The following CCDC191 variants were observed in gnomAD, a reference collection of about 807,000 sequenced individuals.
CCDC191 encodes coiled-coil domain containing 191.
In CCDC191, 99 loss-of-function variants were observed where a neutral mutation model predicts 114.0. The observed-to-expected ratio is 0.87, with a 90% CI of 0.74 to 1.03. CCDC191 has a LOEUF of 1.03. CCDC191 is among the 50% of genes least tolerant of loss of function. The probability of loss-of-function intolerance (pLI) is 0.00; values close to 1 mark genes in which losing one functional copy is unlikely to be tolerated. For synonymous variants in CCDC191, 351 were observed against 376.0 expected (o/e 0.93, Z 0.77); for missense variants, 973 against 1,087.0 (o/e 0.90, Z 1.47).
chr3:113,969,453 GT>G (rs1208738354), intron 16 of CCDC191, among the ~76,000 whole-genome samples: 2 of 152,118 alleles, frequency 1.3e-5, no homozygotes, highest in Non-Finnish European at 2.9e-5. Context: ...TTGTCTCAAT[GT>G]TTTCTTCTAG....
chr3:113,999,516 G>C (rs918480175), intron 13 of CCDC191, among the ~76,000 whole-genome samples: 1 of 152,148 alleles, frequency 6.6e-6, no homozygotes, highest in Admixed American at 6.5e-5. Context: ...CCTGTAATTA[G>C]AGTAAATGGA....
chr3:114,046,835 G>A, intron 2 of CCDC191, 103 bp from the exon 3 acceptor site: 2 of 1,411,354 alleles, frequency 1.4e-6, no homozygotes, highest in South Asian at 1.7e-5. Flanking sequence ...CACCTACTAA[G>A]ATTCGTTCAT....
In CCDC191 at chr3:114,046,699, T is replaced by C; in HGVS notation, c.163A>G (p.Asn55Asp). The C allele has an allele frequency of 1.9e-6, 3 of 1,612,510 alleles. No individual in the cohort carries two copies. Among genetic ancestry groups the C allele is most frequent in the Non-Finnish European group, 2.5e-6 (3 of 1,178,816 alleles). ...TCTGAATTTCTAGTAAAAAATGCAT[T>C]TGACACTGCAAACTCTGAGGCTTTC... ...VEKASEFAVS[N>D]AFFTRNSDLP... The change falls in exon 3 of 17, where the codon AAT (asparagine) becomes GAT (aspartate). Residue 55 changes from asparagine (N) to aspartate (D), a missense_variant. Transcript: ENST00000295878.
chr3:114,002,451 A>G lies in CCDC191; in HGVS notation c.2061+5T>C, dbSNP rs764988077. Reference sequence around the variant, plus strand: ...TTGACTCAGTTTGCATTTTGAATCTATTACCAATTTTTCTTCTTCTTGTTT... The same window carrying G: ...TTGACTCAGTTTGCATTTTGAATCTGTTACCAATTTTTCTTCTTCTTGTTT... On this transcript the variant is annotated splice_donor_5th_base_variant and intron_variant, in intron 12 of 16. Coordinates refer to ENST00000295878, the MANE Select transcript of CCDC191 (RefSeq NM_020817.2). 1 of 1,597,162 alleles carries G rather than the reference A, an allele frequency of 6.3e-7. No individual in the cohort carries two copies. Among genetic ancestry groups the G allele is most frequent in the African/African-American group, 1.3e-5 (1 of 74,158 alleles).
chr3:113,985,862 C>T (rs2075337094), intron 13 of CCDC191, among the ~76,000 whole-genome samples: 1 of 152,218 alleles, frequency 6.6e-6, no homozygotes, highest in Admixed American at 6.5e-5. Flanking sequence ...AATCTCCACA[C>T]TCTAGGCCAA....
intron 4 of CCDC191, among the ~76,000 whole-genome samples, chr3:114,041,579 C>A (rs563685146): frequency 2.0e-5 from 3 of 152,152 alleles, no homozygotes; most frequent in Non-Finnish European, 4.4e-5. Context: ...GTTAGGGACA[C>A]TGTAGAAGAT....
chr3:114,021,066 T>G (rs920385239), intron 7 of CCDC191, among the ~76,000 whole-genome samples: 3 of 152,096 alleles, frequency 2.0e-5, no homozygotes, highest in African/African-American at 4.8e-5. Flanking sequence ...AGGCTGAAAC[T>G]GAAACATTCC....
At chr3:114,006,372 C>T (rs2075959437) in intron 9 of CCDC191, among the ~76,000 whole-genome samples, 1 of 151,486 alleles carries the variant, frequency 6.6e-6, no homozygotes. Flanking sequence ...TCGCTTGAAC[C>T]TGGGAAGTGG....
intron 4 of CCDC191, among the ~76,000 whole-genome samples, chr3:114,041,105 G>A (rs1330811908): frequency 1.3e-5 from 2 of 151,244 alleles, no homozygotes; most frequent in Admixed American, 6.6e-5. Flanking sequence ...TAAGTAAAGG[G>A]ATATAATTAG....
At position 113,965,144 on chromosome 3, in the gene CCDC191, A is replaced by T. The variant is rs1939983764; in HGVS notation, c.*11T>A. ...TCGAGCTTCCTGTCCTAAATATTAC[A>T]CTAATCTGGCTCATTCGTTCACCAG... is the stretch of plus-strand genomic sequence containing the variant. On this transcript the variant is annotated 3_prime_UTR_variant, in exon 17 of 17. Transcript: ENST00000295878. 1.3e-6 allele frequency: 2 copies of T among 1,567,238 alleles called. No homozygotes were observed. The highest frequency in any genetic ancestry group is 4.5e-5 in the East Asian group (2 of 44,092).
At chr3:114,037,514 A>T (rs1280381464) in intron 4 of CCDC191, among the ~76,000 whole-genome samples, 1 of 152,160 alleles carries the variant, frequency 6.6e-6, no homozygotes, top group Non-Finnish European at 1.5e-5. Context: ...GCAGTATTCC[A>T]CCATATGAAT....
intron 8 of CCDC191, among the ~76,000 whole-genome samples, chr3:114,014,963 A>C (rs1172624925): frequency 6.6e-6 from 1 of 152,096 alleles, no homozygotes; most frequent in African/African-American, 2.4e-5. Context: ...TCTAGTATAC[A>C]GTAAACATCA....
intron 7 of CCDC191, among the ~76,000 whole-genome samples, chr3:114,024,770 C>T (rs946883439): frequency 2.6e-5 from 4 of 152,064 alleles, no homozygotes; most frequent in Non-Finnish European, 4.4e-5. Context: ...TTAATGGGTG[C>T]GGCACACCAA....
chr3:114,026,003 G>T (rs532585048), intron 7 of CCDC191, among the ~76,000 whole-genome samples: 1 of 152,122 alleles, frequency 6.6e-6, no homozygotes, highest in South Asian at 2.1e-4. Flanking sequence ...CTAGTGTTTA[G>T]GGGGGAAATA....
At chr3:113,979,070 A>T in intron 14 of CCDC191, 60 bp from the exon 15 acceptor site, 1 of 1,487,466 alleles carries the variant, frequency 6.7e-7, no homozygotes, top group Admixed American at 1.8e-5. Flanking sequence ...TTAAACAAAC[A>T]CATCACCTTT....
intron 1 of CCDC191, among the ~76,000 whole-genome samples, chr3:114,055,473 A>G (rs2076759006): frequency 6.6e-6 from 1 of 152,250 alleles, no homozygotes; most frequent in Admixed American, 6.5e-5. Context: ...CATGTGGAAT[A>G]TGTCCAATGC....
At chr3:113,973,131 T>G (rs1166003730) in intron 16 of CCDC191, among the ~76,000 whole-genome samples, 1 of 152,228 alleles carries the variant, frequency 6.6e-6, no homozygotes, top group Non-Finnish European at 1.5e-5. Flanking sequence ...CCTGTCTTCC[T>G]TTCTTACTGT....
At chr3:114,024,069 C>G (rs545983766) in intron 7 of CCDC191, among the ~76,000 whole-genome samples, 15 of 152,126 alleles carry the variant, frequency 9.9e-5, no homozygotes, top group Non-Finnish European at 2.1e-4. Flanking sequence ...TCTCAAAAGA[C>G]ATTTATGCAG....
intron 2 of CCDC191, among the ~76,000 whole-genome samples, chr3:114,049,813 T>C (rs766226799): frequency 6.6e-6 from 1 of 152,222 alleles, no homozygotes; most frequent in Non-Finnish European, 1.5e-5. Context: ...TTAATATTTT[T>C]TTTCAAAATA....
Sources: allele counts gnomAD v4.1 joint callset (sites outside exome capture counted in the v4.1 genomes callset), GRCh38; gene constraint gnomAD v4.1.1; transcripts MANE v1.5; gene names NCBI Gene and HGNC (gene_info 2026-07-23, HGNC 2026-07-21).